The following FGF14 variants were observed in gnomAD, a reference collection of about 807,000 sequenced individuals.
FGF14 encodes fibroblast growth factor homologous factor 4.
FGF14 carries 5 observed loss-of-function variants against 25.5 expected under a neutral mutation model. The observed-to-expected ratio is 0.20, with a 90% confidence interval of 0.10 to 0.41. The LOEUF (loss-of-function observed/expected upper bound fraction) is 0.41. Ranked by LOEUF, FGF14 falls within the 10% of genes least tolerant of loss-of-function variation. The pLI, the probability that FGF14 is intolerant of heterozygous loss-of-function variation, is 1.00. For missense variants in FGF14, 222 were observed against 320.1 expected (o/e 0.69, Z 2.34); for synonymous variants, 138 against 118.3 (o/e 1.17, Z -1.08).
chr13:102,093,594 G>C (rs1262495798), intron 1 of FGF14, among the ~76,000 whole-genome samples: 6 of 151,860 alleles, frequency 4.0e-5, no homozygotes, highest in African/African-American at 1.4e-4. Context: ...TGTTTCTGGT[G>C]TATTTTTTTA....
intron 3 of FGF14, among the ~76,000 whole-genome samples, chr13:101,742,730 A>G (rs2139791007): frequency 6.6e-6 from 1 of 152,246 alleles, no homozygotes; most frequent in Non-Finnish European, 1.5e-5. Flanking sequence ...CAAGCTGGGA[A>G]ATGCATTGGG....
intron 1 of FGF14, among the ~76,000 whole-genome samples, chr13:102,015,945 A>C (rs1250417620): frequency 2.0e-5 from 3 of 152,146 alleles, no homozygotes; most frequent in African/African-American, 7.2e-5. Flanking sequence ...ACTCTCCAAA[A>C]TTTAATGTAT....
intron 1 of FGF14, among the ~76,000 whole-genome samples, chr13:102,231,834 A>T (rs575119369): frequency 6.6e-6 from 1 of 152,214 alleles, no homozygotes; most frequent in South Asian, 2.1e-4. Context: ...CACCTGCAAG[A>T]TAGTCAGTAT....
At chr13:101,811,331 C>G in intron 3 of FGF14, among the ~76,000 whole-genome samples, 1 of 152,176 alleles carries the variant, frequency 6.6e-6, no homozygotes, top group East Asian at 1.9e-4. Context: ...TCATTGTGCT[C>G]TTTCCAGAAT....
intron 1 of FGF14, among the ~76,000 whole-genome samples, chr13:102,004,582 G>C (rs1197073591): frequency 6.6e-6 from 1 of 152,182 alleles, no homozygotes; most frequent in Admixed American, 6.5e-5. Flanking sequence ...CAATGAACCT[G>C]ATTACTGATT....
chr13:101,852,978 T>C (rs2043935082), intron 3 of FGF14, among the ~76,000 whole-genome samples: 1 of 152,088 alleles, frequency 6.6e-6, no homozygotes, highest in Non-Finnish European at 1.5e-5. Context: ...AAATTAATAA[T>C]TTCCTTGAGG....
intron 1 of FGF14, among the ~76,000 whole-genome samples, chr13:102,350,957 G>C (rs935509783): frequency 6.6e-6 from 1 of 152,086 alleles, no homozygotes; most frequent in Non-Finnish European, 1.5e-5. Flanking sequence ...CTCCTCTTAT[G>C]GGGGTGGAGG....
At chr13:101,827,181 A>T (rs939888592) in intron 3 of FGF14, among the ~76,000 whole-genome samples, 1 of 152,032 alleles carries the variant, frequency 6.6e-6, no homozygotes, top group Non-Finnish European at 1.5e-5. Flanking sequence ...TTTAGACAGT[A>T]GATGTCATAA....
intron 1 of FGF14, among the ~76,000 whole-genome samples, chr13:101,989,937 A>G (rs570852678): frequency 6.6e-6 from 1 of 152,236 alleles, no homozygotes; most frequent in Non-Finnish European, 1.5e-5. Context: ...ACTCATTCCA[A>G]GCACACGCTG....
In FGF14 at chr13:102,319,119, A is replaced by G. The variant is rs576789708; in HGVS notation, c.208+82352T>C. 2.0e-5 allele frequency among the ~76,000 whole-genome samples: 3 copies of G among 152,354 alleles called. No homozygotes were observed. In the South Asian group the frequency reaches 6.2e-4, roughly 32 times the overall value. ...GCTCTGAATTTGAAGTTGGAGTGCT[A>G]TAAATAGCAGTTAGTCTTATCCTTC... On this transcript the variant is annotated intron_variant, in intron 1 of 4. Transcript: ENST00000376131.
chr13:102,189,011 AAAGAATGAAAGAAGAAAAGAAAG>A, intron 1 of FGF14, among the ~76,000 whole-genome samples: 1 of 72,290 alleles, frequency 1.4e-5, no homozygotes, highest in Non-Finnish European at 2.7e-5. Flanking sequence ...AAAGAAAGAG[AAAGAATGAAAGAAGAAAAGAAAG>A]AAAGAAAGAG....
At chr13:102,145,173 T>C (rs556635761) in intron 1 of FGF14, among the ~76,000 whole-genome samples, 5 of 152,172 alleles carry the variant, frequency 3.3e-5, no homozygotes, top group Non-Finnish European at 7.3e-5. Context: ...TTGGAGGAGG[T>C]TGAGCCCTCC....
At chr13:101,983,389 A>G (rs932456579) in intron 1 of FGF14, among the ~76,000 whole-genome samples, 1 of 152,196 alleles carries the variant, frequency 6.6e-6, no homozygotes, top group African/African-American at 2.4e-5. Context: ...ACACTGTACA[A>G]TTGAAACTCA....
upstream of FGF14, among the ~76,000 whole-genome samples, chr13:101,920,503 G>T (rs2033919878): frequency 6.6e-6 from 1 of 152,124 alleles, no homozygotes; most frequent in African/African-American, 2.4e-5. Flanking sequence ...ATTAAATTTA[G>T]TAAATAAATG....
chr13:101,760,401 G>A (rs1391117204), intron 3 of FGF14, among the ~76,000 whole-genome samples: 3 of 152,154 alleles, frequency 2.0e-5, no homozygotes, highest in Non-Finnish European at 4.4e-5. Context: ...GTTAAATGAT[G>A]CCTATTCACA....
intron 1 of FGF14, among the ~76,000 whole-genome samples, chr13:102,180,526 T>G (rs2048629148): frequency 6.6e-6 from 1 of 152,148 alleles, no homozygotes; most frequent in African/African-American, 2.4e-5. Context: ...TTGGCCAGGC[T>G]GGTTTTGAAC....
chr13:102,096,439 A>C (rs1226577970), intron 1 of FGF14, among the ~76,000 whole-genome samples: 3 of 152,134 alleles, frequency 2.0e-5, no homozygotes, highest in Admixed American at 6.5e-5. Context: ...TTAAAAAAAA[A>C]ACACACCACT....
At chr13:102,008,513 T>C (rs1299064109) in intron 1 of FGF14, among the ~76,000 whole-genome samples, 1 of 152,226 alleles carries the variant, frequency 6.6e-6, no homozygotes, top group African/African-American at 2.4e-5. Flanking sequence ...CTTGACATCT[T>C]GCACTGGGAA....
intron 1 of FGF14, among the ~76,000 whole-genome samples, chr13:101,996,578 C>T (rs760382639): frequency 3.3e-5 from 5 of 152,010 alleles, no homozygotes; most frequent in Non-Finnish European, 7.4e-5. Flanking sequence ...TGGGTTTTGG[C>T]GTGGTTGAAA....
Sources: gnomAD v4.1 joint callset for allele counts (sites outside exome capture counted in the v4.1 genomes callset) on GRCh38, gnomAD v4.1.1 for gene constraint, MANE v1.5 for transcripts, NCBI Gene and HGNC (gene_info 2026-07-23, HGNC 2026-07-21) for gene names.